RNF14: variants seen among roughly 807,000 people sequenced by gnomAD.
The protein encoded by RNF14 is E3 ubiquitin-protein ligase RNF14.
A neutral mutation model predicts 52.6 loss-of-function variants in RNF14; 26 were observed. The ratio of observed to expected loss-of-function variants is 0.49; its 90% CI spans 0.36 to 0.69. The LOEUF (loss-of-function observed/expected upper bound fraction) is 0.69, where lower values mean the gene tolerates loss of function less well. Among genes scored for constraint, RNF14 ranks in the 30% least tolerant of loss-of-function variants. The pLI, the probability that RNF14 is intolerant of heterozygous loss-of-function variation, is 0.00. For missense variants in RNF14, 404 were observed against 560.4 expected (o/e 0.72, Z 2.82); for synonymous variants, 194 against 202.0 (o/e 0.96, Z 0.34).
chr5:141,975,895 A>G (rs886869291), intron 4 of RNF14, among the ~76,000 whole-genome samples: 1 of 150,182 alleles, frequency 6.7e-6, no homozygotes, highest in Admixed American at 6.7e-5. Flanking sequence ...ACTGCACTCC[A>G]GCCTGGGTGA....
At chr5:141,968,352 G>T (rs777201470), upstream of RNF14, among the ~76,000 whole-genome samples, 20 of 152,100 alleles carry the variant, frequency 1.3e-4, no homozygotes, top group Non-Finnish European at 2.8e-4. Context: ...TGATCCACCC[G>T]CCTCGGCTTC....
Position 141,987,910 on chromosome 5 carries a change from T to C in RNF14, c.*120T>C. On this transcript the variant is annotated 3_prime_UTR_variant, in exon 9 of 9. Transcript: ENST00000394520. ...ATTCACTCTTCCTGCGTAGAAGATA[T>C]GGAAGAACGAGGTTTATATTTTCAT... The C allele has an allele frequency of 1.8e-5, 16 of 896,632 alleles. No individual in the cohort carries two copies. The highest frequency in any genetic ancestry group is 2.9e-5 in the Non-Finnish European group (16 of 553,456). The allele number at this position is 896,632 out of a possible 1,614,324, so 55.5% of individuals were successfully genotyped here. A position where few individuals can be genotyped will look rare whatever the true frequency, so the allele number is the denominator to read the frequency against.
chr5:141,957,771 C>A, upstream of RNF14: 1 of 1,610,162 alleles, frequency 6.2e-7, no homozygotes, highest in Non-Finnish European at 8.5e-7. The surrounding 1 kb of genome is among the most constrained non-coding windows in gnomAD (Gnocchi z 4.3). Context: ...TGAGAGTGGT[C>A]ACCTCCTGAC....
the RNF14 span, chr5:141,951,434 G>T: frequency 7.8e-7 from 1 of 1,278,624 alleles, no homozygotes; most frequent in East Asian, 2.3e-5. Flanking sequence ...AGAGGCTGCA[G>T]TGATGAGGGG....
chr5:141,978,307 C>T lies in RNF14; in HGVS notation c.311C>T (p.Ser104Phe). 6.3e-7 allele frequency: 1 copy of T among 1,574,874 alleles called. No homozygotes were observed. The highest frequency in any genetic ancestry group is 1.2e-5 in the South Asian group (1 of 85,754). ...TCTTCATGTGTTTTCTCCTAGCTAT[C>T]TGCTCTATGCAAGCACTTAGACAAC... ...SGKWLSPTQL[S>F]ALCKHLDNLW... The change falls in exon 5 of 9, where the codon TCT becomes TTT. Residue 104 changes from serine to phenylalanine, a missense_variant. Transcript: ENST00000394520.
At chr5:141,962,285 G>A (rs944416692), upstream of RNF14, among the ~76,000 whole-genome samples, 1 of 152,172 alleles carries the variant, frequency 6.6e-6, no homozygotes, top group African/African-American at 2.4e-5. Context: ...CAAGAAATAG[G>A]ACCTTTCAAG....
Position 141,984,884 on chromosome 5 carries a change from G to A in RNF14, c.1318G>A (p.Ala440Thr), listed in dbSNP as rs762141519. The A allele has an allele frequency of 4.3e-6, 7 of 1,613,752 alleles. No individual in the cohort carries two copies. In the East Asian group the frequency reaches 1.3e-4, roughly 31 times the overall value. The change falls in exon 8 of 9, where the codon GCA becomes ACA. Residue 440 changes from alanine to threonine, a missense_variant. Physicochemically the swap from Ala to Thr is moderately conservative, Grantham distance 58 (BLOSUM62 0). Coordinates refer to ENST00000394520, the MANE Select transcript of RNF14 (RefSeq NM_004290.5). ...GATTTGCATGGGTTCTCTCTCTAGAGCAAACCCTTACAAACATTTCAATGA... is the reference window on the plus strand; with the variant it reads ...GATTTGCATGGGTTCTCTCTCTAGAACAAACCCTTACAAACATTTCAATGA... ...CWICMGSLSR[A>T]NPYKHFNDPG...
intron 2 of RNF14, among the ~76,000 whole-genome samples, chr5:141,972,219 T>C (rs1477843293): frequency 7.3e-6 from 1 of 136,216 alleles, no homozygotes; most frequent in Non-Finnish European, 1.5e-5. Flanking sequence ...CCCCAGGACC[T>C]GGCGCTATTT....
chr5:141,971,275 T>C (rs112772711), intron 2 of RNF14, among the ~76,000 whole-genome samples: 16 of 152,358 alleles, frequency 1.1e-4, no homozygotes, highest in African/African-American at 3.6e-4. Flanking sequence ...AAGGTCTTGC[T>C]CTGTCCCCCA....
intron 7 of RNF14, 56 bp downstream of exon 7, chr5:141,983,608 AC>A: frequency 6.9e-7 from 1 of 1,444,914 alleles, no homozygotes; most frequent in East Asian, 2.4e-5. Flanking sequence ...TGTTATGATT[AC>A]CTTAAGAAGC....
At chr5:141,949,589 A>G in the RNF14 span, 2 of 1,612,692 alleles carry the variant, frequency 1.2e-6, no homozygotes, top group Non-Finnish European at 8.5e-7. Flanking sequence ...CACTCCTGCA[A>G]AAGAAACCAA....
chr5:141,983,571 A>C lies in RNF14; in HGVS notation c.1236+19A>C, dbSNP rs1023959247. 4 of 1,591,650 alleles carry C rather than the reference A, an allele frequency of 2.5e-6. No individual in the cohort carries two copies. Among genetic ancestry groups the C allele is most frequent in the Non-Finnish European group, 3.4e-6 (4 of 1,172,334 alleles). ...CATAGAGGTAAATGTTTTGGGACAGACTTGGAGGCCATCAGACTTGCAAGG... is the reference window on the plus strand; with the variant it reads ...CATAGAGGTAAATGTTTTGGGACAGCCTTGGAGGCCATCAGACTTGCAAGG... On this transcript the variant is annotated intron_variant, in intron 7 of 8. Coordinates refer to ENST00000394520, the MANE Select transcript of RNF14 (RefSeq NM_004290.5).
chr5:141,965,525 G>A (rs1477965594), upstream of RNF14, among the ~76,000 whole-genome samples: 3 of 152,108 alleles, frequency 2.0e-5, no homozygotes, highest in Non-Finnish European at 4.4e-5. Flanking sequence ...GGGCCTTCCC[G>A]TTTAGTTCTT....
At chr5:141,975,404 T>A (rs1754155673) in intron 4 of RNF14, among the ~76,000 whole-genome samples, 1 of 152,198 alleles carries the variant, frequency 6.6e-6, no homozygotes, top group Admixed American at 6.5e-5. Context: ...GTGAATACAA[T>A]AACTGATTTT....
upstream of RNF14, chr5:141,956,681 A>T (rs748258945): frequency 1.5e-5 from 25 of 1,614,254 alleles, no homozygotes; most frequent in Middle Eastern, 1.6e-4. Context: ...CTCAGCCAGC[A>T]GTGGACCAAA....
chr5:141,959,285 C>T (rs1413075854), intron 1 of RNF14, among the ~76,000 whole-genome samples: 3 of 152,270 alleles, frequency 2.0e-5, no homozygotes, highest in Admixed American at 6.5e-5. Context: ...CCTTTGCTGC[C>T]CCCAACTCTC....
At position 141,980,398 on chromosome 5, in the gene RNF14, C is replaced by T. The variant is rs778626647; in HGVS notation, c.1063+47C>T. On this transcript the variant is annotated intron_variant, in intron 6 of 8. Coordinates refer to ENST00000394520, the MANE Select transcript of RNF14 (RefSeq NM_004290.5). Reference sequence around the variant, plus strand: ...AAACCCCCATCCCCAGTCTCTCCCTCACATTTCACTCTACTACCAGGGCCT... The same window carrying T: ...AAACCCCCATCCCCAGTCTCTCCCTTACATTTCACTCTACTACCAGGGCCT... 9 of 1,377,166 alleles carry T rather than the reference C, an allele frequency of 6.5e-6. No homozygotes were observed. The Admixed American group carries it at 1.6e-4, about 24-fold the overall frequency. The allele number at this position is 1,377,166 out of a possible 1,614,324, so 85.3% of individuals were successfully genotyped here.
chr5:141,956,969 A>G (rs774515731), upstream of RNF14: 7 of 1,614,046 alleles, frequency 4.3e-6, no homozygotes, highest in Admixed American at 1.2e-4. Context: ...TCAATACTGA[A>G]GGTGTCCAGC....
At chr5:141,955,350 T>C (rs776847273), upstream of RNF14, 12 of 1,614,136 alleles carry the variant, frequency 7.4e-6, no homozygotes, top group Non-Finnish European at 1.0e-5. This position sits in a 1 kb window ranked among gnomAD's most constrained non-coding sequence, Gnocchi z 5.5. Context: ...TCTCCGCCGG[T>C]GCTCCCTGGT....
Sources: gnomAD v4.1 joint callset for allele counts (sites outside exome capture counted in the v4.1 genomes callset) on GRCh38, gnomAD v4.1.1 for gene constraint, Gnocchi (gnomAD v3.1) non-coding constraint, MANE v1.5 for transcripts, NCBI Gene and HGNC (gene_info 2026-07-23, HGNC 2026-07-21) for gene names.